Variants in STK39 observed in about 807,000 individuals in gnomAD.
STK39 encodes the protein serine/threonine kinase 39.
Under a neutral mutation model 77.8 loss-of-function variants are expected in STK39, and 20 were observed. The observed-to-expected ratio is 0.26, with a 90% confidence interval of 0.18 to 0.37. The LOEUF (loss-of-function observed/expected upper bound fraction) is 0.37. Among genes scored for constraint, STK39 ranks in the 10% least tolerant of loss-of-function variants. STK39 has a pLI of 1.00. For synonymous variants in STK39, 246 were observed against 234.1 expected (o/e 1.05, Z -0.47); for missense variants, 479 against 656.5 (o/e 0.73, Z 2.95).
intron 16 of STK39, among the ~76,000 whole-genome samples, chr2:167,965,432 A>T (rs530188956): frequency 1.4e-4 from 21 of 152,186 alleles, no homozygotes; most frequent in Non-Finnish European, 2.5e-4. Context: ...GATTCATTGG[A>T]GATCTGTCCT....
At chr2:168,038,006 T>C (rs1368137678) in intron 14 of STK39, among the ~76,000 whole-genome samples, 1 of 152,142 alleles carries the variant, frequency 6.6e-6, no homozygotes, top group Non-Finnish European at 1.5e-5. Context: ...ACTTAAACTA[T>C]GTAAATGTGT....
intron 5 of STK39, among the ~76,000 whole-genome samples, chr2:168,161,099 ACT>A (rs1688559839): frequency 1.3e-5 from 2 of 151,860 alleles, no homozygotes; most frequent in Non-Finnish European, 2.9e-5. Context: ...TGCCAAGAAC[ACT>A]CCCCCAAGAA....
intron 10 of STK39, among the ~76,000 whole-genome samples, chr2:168,080,013 T>A (rs1686186059): frequency 6.6e-6 from 1 of 152,118 alleles, no homozygotes; most frequent in Non-Finnish European, 1.5e-5. Context: ...TCCATTCCTC[T>A]CTCTGCTACT....
At chr2:167,999,914 G>A (rs17779495) in intron 16 of STK39, among the ~76,000 whole-genome samples, 62,385 of 152,058 alleles carry the variant, frequency 0.41, 13,304 homozygotes, top group Non-Finnish European at 0.44. Context: ...TGACCTTCTG[G>A]AAGCAGCACT....
chr2:167,971,896 C>T (rs1692356025), intron 16 of STK39, among the ~76,000 whole-genome samples: 1 of 152,202 alleles, frequency 6.6e-6, no homozygotes. Flanking sequence ...AAGTTTGAGC[C>T]TTGCCAGTTC....
At chr2:167,992,392 C>T (rs920648683) in intron 16 of STK39, among the ~76,000 whole-genome samples, 6 of 151,994 alleles carry the variant, frequency 3.9e-5, no homozygotes, top group African/African-American at 1.2e-4. Flanking sequence ...AGGTTGTAAC[C>T]TCTGCACTAT....
chr2:168,163,951 T>A, intron 3 of STK39, 71 bp from the exon 4 acceptor site: 1 of 1,530,722 alleles, frequency 6.5e-7, no homozygotes, highest in Non-Finnish European at 8.8e-7. Context: ...CTCCATTATG[T>A]ATAAAATTTA....
chr2:168,068,034 T>C (rs1685839793), intron 12 of STK39, among the ~76,000 whole-genome samples: 1 of 152,136 alleles, frequency 6.6e-6, no homozygotes, highest in Admixed American at 6.5e-5. Context: ...GCAGGAGAAC[T>C]GCCCTTTATA....
chr2:168,211,754 A>C (rs1260310560), intron 1 of STK39, among the ~76,000 whole-genome samples: 1 of 152,216 alleles, frequency 6.6e-6, no homozygotes, highest in Non-Finnish European at 1.5e-5. Flanking sequence ...AGTGGAAAAT[A>C]ATCTGTCAGT....
At chr2:168,129,879 G>C in intron 8 of STK39, 121 bp from the exon 9 acceptor site, 1 of 1,060,392 alleles carries the variant, frequency 9.4e-7, no homozygotes, top group Non-Finnish European at 1.4e-6. Context: ...TAGCAAAACT[G>C]GGAACCAAAT....
At chr2:167,978,461 T>C (rs1438616139) in intron 16 of STK39, among the ~76,000 whole-genome samples, 1 of 152,182 alleles carries the variant, frequency 6.6e-6, no homozygotes, top group Non-Finnish European at 1.5e-5. Flanking sequence ...AATTTCCTCA[T>C]AATTTTTGCA....
intron 16 of STK39, among the ~76,000 whole-genome samples, chr2:168,011,648 T>C (rs529925919): frequency 1.3e-5 from 2 of 152,310 alleles, no homozygotes; most frequent in South Asian, 4.1e-4. Context: ...CTGCCTCCTT[T>C]GCTTTGTCAG....
Position 168,128,713 on chromosome 2 carries a change from T to C in STK39, c.1089+828A>G, listed in dbSNP as rs1445475145. 2.0e-5 allele frequency among the ~76,000 whole-genome samples: 3 copies of C among 152,360 alleles called. No individual in the cohort carries two copies. In the East Asian group the frequency reaches 5.8e-4, roughly 29 times the overall value. ...ATTTAATATTCAGCTATGTATACCT[T>C]GGCAAGATGAGATACAATCCCTAAA... On this transcript the variant is annotated intron_variant, in intron 10 of 17. Transcript: ENST00000355999.
intron 14 of STK39, among the ~76,000 whole-genome samples, chr2:168,031,334 G>T (rs1684828708): frequency 6.6e-6 from 1 of 152,152 alleles, no homozygotes; most frequent in African/African-American, 2.4e-5. Flanking sequence ...GTAAGAGAAG[G>T]GAAATCTGAA....
chr2:167,983,544 G>A (rs1400633599), intron 16 of STK39, among the ~76,000 whole-genome samples: 2 of 150,462 alleles, frequency 1.3e-5, no homozygotes, highest in Non-Finnish European at 2.9e-5. Flanking sequence ...TGGTGGTGAT[G>A]AAATTATTCT....
At chr2:167,962,000 G>A (rs1260549503) in intron 17 of STK39, among the ~76,000 whole-genome samples, 1 of 152,126 alleles carries the variant, frequency 6.6e-6, no homozygotes, top group Non-Finnish European at 1.5e-5. Context: ...TCCTGGAGGC[G>A]CACCCCTGCG....
chr2:168,178,535 A>T (rs576347679), intron 2 of STK39, among the ~76,000 whole-genome samples: 1 of 152,302 alleles, frequency 6.6e-6, no homozygotes, highest in African/African-American at 2.4e-5. Context: ...CATCCTTTTG[A>T]TGGGCTTAAG....
At chr2:168,164,619 C>T (rs1296232306) in intron 3 of STK39, among the ~76,000 whole-genome samples, 1 of 151,470 alleles carries the variant, frequency 6.6e-6, no homozygotes, top group East Asian at 1.9e-4. Flanking sequence ...GTTGCCCATG[C>T]CGGTCTTGAA....
intron 1 of STK39, among the ~76,000 whole-genome samples, chr2:168,240,550 C>G (rs943684863): frequency 6.6e-6 from 1 of 152,164 alleles, no homozygotes; most frequent in Non-Finnish European, 1.5e-5. Flanking sequence ...GGTGACCAAA[C>G]AGATGTGAGA....
Sources: gnomAD v4.1 joint callset for allele counts (sites outside exome capture counted in the v4.1 genomes callset) on GRCh38, gnomAD v4.1.1 for gene constraint, MANE v1.5 for transcripts, NCBI Gene and HGNC (gene_info 2026-07-23, HGNC 2026-07-21) for gene names.